The following KCNIP4 variants were observed in gnomAD, a reference collection of about 807,000 sequenced individuals.
KCNIP4 encodes the protein Kv channel-interacting protein 4.
A neutral mutation model predicts 34.0 loss-of-function variants in KCNIP4; 12 were observed. That is an observed-to-expected ratio of 0.35 (90% CI 0.23 to 0.57). The LOEUF (loss-of-function observed/expected upper bound fraction) is 0.57, where lower values mean the gene tolerates loss of function less well. Among genes scored for constraint, KCNIP4 ranks in the 20% least tolerant of loss-of-function variants. KCNIP4 has a pLI of 0.83. For synonymous variants in KCNIP4, 124 were observed against 102.2 expected, an observed-to-expected ratio of 1.21 and a Z score of -1.29; for missense variants, 238 against 311.7, an observed-to-expected ratio of 0.76 and a Z score of 1.78.
chr4:20,871,289 A>T (rs543205304), intron 2 of KCNIP4, among the ~76,000 whole-genome samples: 9 of 152,180 alleles, frequency 5.9e-5, no homozygotes, highest in African/African-American at 2.2e-4. Flanking sequence ...AAGTGGCTGG[A>T]TGGAGACATG....
chr4:21,297,010 A>G (rs1763877587), intron 1 of KCNIP4, among the ~76,000 whole-genome samples: 1 of 151,612 alleles, frequency 6.6e-6, no homozygotes, highest in Non-Finnish European at 1.5e-5. Flanking sequence ...GTATACATAC[A>G]CACATACATA....
intron 1 of KCNIP4, among the ~76,000 whole-genome samples, chr4:21,748,559 T>C (rs368524172): frequency 1.3e-5 from 2 of 152,180 alleles, no homozygotes; most frequent in Admixed American, 6.5e-5. Flanking sequence ...TTCTTTATTA[T>C]AGGAGCTTTC....
chr4:21,262,567 T>C (rs552499594), intron 1 of KCNIP4, among the ~76,000 whole-genome samples: 6 of 152,332 alleles, frequency 3.9e-5, no homozygotes, highest in South Asian at 2.1e-4. Flanking sequence ...CCCTGCAGGA[T>C]TGAGCCAGTT....
At chr4:20,806,399 T>C (rs1578664634) in intron 3 of KCNIP4, among the ~76,000 whole-genome samples, 1 of 152,204 alleles carries the variant, frequency 6.6e-6, no homozygotes, top group East Asian at 1.9e-4. Flanking sequence ...TCAATGCATT[T>C]TACTCATTTG....
rs188015197 is a variant in KCNIP4, at chr4:21,088,571, C to T, written c.62-205862G>A. Among the ~76,000 whole-genome samples, 424 of 152,234 alleles carry T rather than the reference C, an allele frequency of 2.8e-3. 3 individuals carry two copies. The highest frequency in any genetic ancestry group is 9.9e-3 in the African/African-American group (411 of 41,554). The stretch of plus-strand genomic sequence containing the variant: ...AAGACCCAGCAATATCTGGGCCCTG[C>T]GTGTCTCCTCAGACTCATGATTCAT... On this transcript the variant is annotated intron_variant, in intron 1 of 8. Coordinates refer to ENST00000382152, the MANE Select transcript of KCNIP4 (RefSeq NM_025221.6).
intron 1 of KCNIP4, among the ~76,000 whole-genome samples, chr4:21,737,461 T>C (rs113707049): frequency 0.012 from 1,813 of 152,254 alleles, 39 homozygotes; most frequent in African/African-American, 0.041. Flanking sequence ...TGGAGGAGAC[T>C]AGAAAAATCA....
intron 1 of KCNIP4, among the ~76,000 whole-genome samples, chr4:20,944,694 T>A (rs1318828487): frequency 6.6e-6 from 1 of 152,162 alleles, no homozygotes; most frequent in Non-Finnish European, 1.5e-5. Flanking sequence ...ACCAGAGGCC[T>A]ATCTAAGCCT....
At chr4:21,293,607 G>A (rs958092093) in intron 1 of KCNIP4, among the ~76,000 whole-genome samples, 2 of 152,298 alleles carry the variant, frequency 1.3e-5, no homozygotes, top group Middle Eastern at 3.4e-3. Flanking sequence ...TCTACCCTCT[G>A]TCTTATAGGA....
chr4:21,321,873 G>A (rs1714495905), intron 1 of KCNIP4, among the ~76,000 whole-genome samples: 1 of 142,258 alleles, frequency 7.0e-6, no homozygotes, highest in South Asian at 2.4e-4. Context: ...AAAAAGCAAG[G>A]AAGGAAGAAA....
At chr4:20,912,859 A>C in intron 1 of KCNIP4, among the ~76,000 whole-genome samples, 1 of 152,184 alleles carries the variant, frequency 6.6e-6, no homozygotes, top group Non-Finnish European at 1.5e-5. Flanking sequence ...GTAAGGCTAT[A>C]ATAAAAAAGG....
chr4:21,625,047 C>T (rs183406757), intron 1 of KCNIP4, among the ~76,000 whole-genome samples: 1 of 151,960 alleles, frequency 6.6e-6, no homozygotes, highest in South Asian at 2.1e-4. Context: ...AATTATGAAG[C>T]ACAGCAAACC....
At chr4:21,737,818 C>G (rs1338611412) in intron 1 of KCNIP4, among the ~76,000 whole-genome samples, 1 of 152,104 alleles carries the variant, frequency 6.6e-6, no homozygotes, top group Non-Finnish European at 1.5e-5. Flanking sequence ...GGCATGGTGG[C>G]TCATGCCTAT....
chr4:21,056,085 G>T (rs549006263), intron 1 of KCNIP4, among the ~76,000 whole-genome samples: 2 of 152,068 alleles, frequency 1.3e-5, no homozygotes, highest in South Asian at 4.1e-4. Flanking sequence ...TCTTCATTTG[G>T]CTGTGAATCT....
At chr4:21,464,921 T>A (rs358566) in intron 1 of KCNIP4, among the ~76,000 whole-genome samples, 113,185 of 151,986 alleles carry the variant, frequency 0.74, 43,059 homozygotes, top group African/African-American at 0.91. Context: ...TCTACGACCA[T>A]GGAAAAAGTG....
chr4:21,009,558 TTG>T (rs1364224164), intron 1 of KCNIP4, among the ~76,000 whole-genome samples: 1 of 152,220 alleles, frequency 6.6e-6, no homozygotes, highest in African/African-American at 2.4e-5. Flanking sequence ...CATGATTTCC[TTG>T]ATGGGATATT....
intron 4 of KCNIP4, among the ~76,000 whole-genome samples, chr4:20,755,925 G>A (rs1754386807): frequency 6.6e-6 from 1 of 152,104 alleles, no homozygotes; most frequent in Admixed American, 6.6e-5. Context: ...ATAAGGCAGA[G>A]AAGGGACAAG....
intron 1 of KCNIP4, among the ~76,000 whole-genome samples, chr4:20,941,560 C>T (rs1406321653): frequency 6.7e-6 from 1 of 149,992 alleles, no homozygotes; most frequent in East Asian, 1.9e-4. Flanking sequence ...ATTATTTAAA[C>T]AAGGTTAATT....
chr4:21,809,120 T>C (rs1204861646), intron 1 of KCNIP4, among the ~76,000 whole-genome samples: 8 of 147,332 alleles, frequency 5.4e-5, no homozygotes, highest in Non-Finnish European at 6.0e-5. Context: ...TGTGAGGGTG[T>C]TTCCAGAAGA....
intron 1 of KCNIP4, among the ~76,000 whole-genome samples, chr4:21,072,652 A>T (rs1331278407): frequency 3.3e-5 from 5 of 152,138 alleles, no homozygotes; most frequent in African/African-American, 1.2e-4. Context: ...TAGTTTAATT[A>T]GATCCCATTT....
Sources: gnomAD v4.1 joint callset for allele counts (sites outside exome capture counted in the v4.1 genomes callset) on GRCh38, gnomAD v4.1.1 for gene constraint, MANE v1.5 for transcripts, NCBI Gene and HGNC (gene_info 2026-07-23, HGNC 2026-07-21) for gene names.